DCC: variants seen among roughly 807,000 people sequenced by gnomAD.
DCC encodes netrin receptor DCC.
DCC carries 58 observed loss-of-function variants against 172.5 expected under a neutral mutation model. The observed-to-expected ratio is 0.34, with a 90% CI of 0.27 to 0.42. DCC has a LOEUF of 0.42. Among genes scored for constraint, DCC ranks in the 10% least tolerant of loss-of-function variants. DCC has a pLI of 1.00. For missense variants in DCC, 1,740 were observed against 1,791.0 expected, an observed-to-expected ratio of 0.97 and a Z score of 0.51; for synonymous variants, 709 against 644.5, an observed-to-expected ratio of 1.10 and a Z score of -1.52.
At chr18:53,350,267 A>T (rs552853170) in intron 15 of DCC, among the ~76,000 whole-genome samples, 87 of 152,186 alleles carry the variant, frequency 5.7e-4, no homozygotes, top group Non-Finnish European at 1.0e-3. Flanking sequence ...ACAAAGATGT[A>T]TCGGGAATTA....
At chr18:53,222,282 G>A (rs893062330) in intron 12 of DCC, among the ~76,000 whole-genome samples, 1 of 151,702 alleles carries the variant, frequency 6.6e-6, no homozygotes, top group African/African-American at 2.4e-5. Context: ...CAAATTCAAA[G>A]CATATCTTTG....
At chr18:53,216,864 A>C (rs1450756781) in intron 12 of DCC, among the ~76,000 whole-genome samples, 1 of 152,178 alleles carries the variant, frequency 6.6e-6, no homozygotes, top group Non-Finnish European at 1.5e-5. Flanking sequence ...CCTACAAATG[A>C]CATTTTTATC....
chr18:53,268,513 A>C (rs1262856515), intron 12 of DCC, among the ~76,000 whole-genome samples: 1 of 152,192 alleles, frequency 6.6e-6, no homozygotes, highest in Non-Finnish European at 1.5e-5. Context: ...CATATTCAAT[A>C]AGCTTCTCTC....
At chr18:53,417,814 A>AT (rs1368463419) in intron 21 of DCC, among the ~76,000 whole-genome samples, 1 of 152,070 alleles carries the variant, frequency 6.6e-6, no homozygotes, top group Non-Finnish European at 1.5e-5. Flanking sequence ...TCTTTTGTTA[A>AT]TTGCTTTTAG....
intron 1 of DCC, among the ~76,000 whole-genome samples, chr18:52,671,609 G>A (rs948537678): frequency 7.2e-6 from 1 of 139,710 alleles, no homozygotes; most frequent in African/African-American, 2.7e-5. Flanking sequence ...GTGTGATCTT[G>A]GCTGACTGCA....
intron 1 of DCC, among the ~76,000 whole-genome samples, chr18:52,420,861 G>A (rs1403437864): frequency 2.6e-5 from 4 of 152,052 alleles, no homozygotes; most frequent in Non-Finnish European, 5.9e-5. Context: ...TGGGTTTAGA[G>A]GAGAGTGTTA....
At position 53,358,530 on chromosome 18, in the gene DCC, C is replaced by CTTTTTTTT. The variant is rs35093625; in HGVS notation, c.2359+18638_2359+18645dup. On this transcript the variant is annotated intron_variant, in intron 15 of 28. Coordinates refer to ENST00000442544, the MANE Select transcript of DCC (RefSeq NM_005215.4). The stretch of plus-strand genomic sequence containing the variant: ...GAAATGTAAGACATATTCTCTCTCT[C>CTTTTTTTT]TTTTTTTTTTTTTTTTTTTTTTGCG... 4.7e-4 allele frequency among the ~76,000 whole-genome samples: 45 copies of CTTTTTTTT among 95,920 alleles called. 2 individuals carry two copies. The highest frequency in any genetic ancestry group is 7.7e-4 in the South Asian group (2 of 2,586). 62.9% of individuals were successfully genotyped at this position (95,920 alleles called of 152,430 possible). A position where few individuals can be genotyped will look rare whatever the true frequency, so the allele number is the denominator to read the frequency against.
intron 2 of DCC, among the ~76,000 whole-genome samples, chr18:52,891,137 C>T (rs894657359): frequency 9.9e-5 from 15 of 152,118 alleles, no homozygotes; most frequent in East Asian, 3.9e-4. Context: ...TAACTTGAGT[C>T]GGTCAGATTT....
At chr18:52,721,503 G>A (rs11082942) in intron 1 of DCC, among the ~76,000 whole-genome samples, 50,909 of 151,942 alleles carry the variant, frequency 0.34, 8,748 homozygotes, top group African/African-American at 0.39. Flanking sequence ...AGACAAATCC[G>A]ACTTGTGTGA....
At chr18:53,201,199 T>C (rs1156985452) in intron 9 of DCC, among the ~76,000 whole-genome samples, 1 of 152,148 alleles carries the variant, frequency 6.6e-6, no homozygotes, top group Non-Finnish European at 1.5e-5. Flanking sequence ...AGCTCTCACC[T>C]GCTTTGAATG....
chr18:53,327,743 C>T (rs2057483156), intron 14 of DCC, among the ~76,000 whole-genome samples: 1 of 152,108 alleles, frequency 6.6e-6, no homozygotes, highest in African/African-American at 2.4e-5. Context: ...GCGATTTACA[C>T]CAGTGAGCAA....
intron 1 of DCC, among the ~76,000 whole-genome samples, chr18:52,425,043 A>G (rs189557845): frequency 6.6e-5 from 10 of 152,198 alleles, no homozygotes; most frequent in Admixed American, 4.6e-4. Flanking sequence ...AATAATGTAC[A>G]TTGTACCCAT....
chr18:52,809,654 A>G (rs193193546), intron 2 of DCC, among the ~76,000 whole-genome samples: 369 of 152,314 alleles, frequency 2.4e-3, no homozygotes, highest in Admixed American at 5.0e-3. Flanking sequence ...TGATGGCGGC[A>G]AACAGCAGTG....
intron 2 of DCC, among the ~76,000 whole-genome samples, chr18:52,868,713 T>C (rs1338139599): frequency 6.6e-6 from 1 of 152,244 alleles, no homozygotes; most frequent in African/African-American, 2.4e-5. Context: ...GGGCTCATTC[T>C]GCCCATTCAG....
At chr18:52,866,766 C>T (rs989839265) in intron 2 of DCC, among the ~76,000 whole-genome samples, 1 of 152,180 alleles carries the variant, frequency 6.6e-6, no homozygotes, top group Non-Finnish European at 1.5e-5. Flanking sequence ...TGCTTATCAG[C>T]TTAAGGAGAT....
At chr18:52,851,578 T>G (rs1298280992) in intron 2 of DCC, among the ~76,000 whole-genome samples, 1 of 152,106 alleles carries the variant, frequency 6.6e-6, no homozygotes, top group East Asian at 1.9e-4. Context: ...ATTTATCATT[T>G]CCTGAAAACC....
At position 52,765,199 on chromosome 18, in the gene DCC, A is replaced by ATTTTTT. The variant is rs369735420; in HGVS notation, c.412+12825_412+12826insTTTTTT. 2.9e-4 allele frequency among the ~76,000 whole-genome samples: 35 copies of ATTTTTT among 120,108 alleles called. 2 individuals are homozygous for ATTTTTT. The highest frequency in any genetic ancestry group is 5.3e-4 in the South Asian group (2 of 3,780). The allele number at this position is 120,108 out of a possible 152,430, so 78.8% of individuals were successfully genotyped here. On this transcript the variant is annotated intron_variant, in intron 2 of 28. Transcript: ENST00000442544. The stretch of plus-strand genomic sequence containing the variant: ...CAGGCATGTGCTAGCACTCCTGGCT[A>ATTTTTT]ATTTTTTTTTTTTTTTTTTGTATTT...
chr18:52,566,380 C>T (rs774172118), intron 1 of DCC, among the ~76,000 whole-genome samples: 2 of 151,802 alleles, frequency 1.3e-5, no homozygotes, highest in Non-Finnish European at 2.9e-5. Flanking sequence ...GGTTGGGAGG[C>T]TAGGGGAGGG....
intron 1 of DCC, among the ~76,000 whole-genome samples, chr18:52,482,038 G>A (rs549223612): frequency 6.6e-6 from 1 of 151,954 alleles, no homozygotes; most frequent in East Asian, 1.9e-4. Context: ...CAGGGATTTC[G>A]TTTTATCAAA....
Sources: allele counts gnomAD v4.1 joint callset (sites outside exome capture counted in the v4.1 genomes callset), GRCh38; gene constraint gnomAD v4.1.1; transcripts MANE v1.5; gene names NCBI Gene and HGNC (gene_info 2026-07-23, HGNC 2026-07-21).